NEBL: variants seen among roughly 807,000 people sequenced by gnomAD.
The protein encoded by NEBL is LIM and SH3 protein 2.
NEBL carries 122 observed loss-of-function variants against 140.2 expected under a neutral mutation model. That is an observed-to-expected ratio of 0.87 (90% CI 0.75 to 1.01). The LOEUF is 1.01. Among genes scored for constraint, NEBL ranks in the 50% least tolerant of loss-of-function variants. The probability of loss-of-function intolerance (pLI) is 0.00; values close to 1 mark genes in which losing one functional copy is unlikely to be tolerated. For missense variants in NEBL, 1,365 were observed against 1,231.3 expected (o/e 1.11, Z -1.62); for synonymous variants, 436 against 398.9 (o/e 1.09, Z -1.11).
At chr10:21,066,573 G>A (rs1295160596) in intron 2 of NEBL, among the ~76,000 whole-genome samples, 1 of 152,176 alleles carries the variant, frequency 6.6e-6, no homozygotes, top group East Asian at 1.9e-4. Flanking sequence ...ATCCAGAAAT[G>A]TCAATGGCCA....
chr10:20,787,352 G>A, intron 26 of NEBL, 44 bp from the exon 27 acceptor site: 1 of 1,471,934 alleles, frequency 6.8e-7, no homozygotes, highest in Non-Finnish European at 9.4e-7. Context: ...CTTAAAGTTA[G>A]CCTCGAAATA....
intron 4 of NEBL, among the ~76,000 whole-genome samples, chr10:20,887,196 T>C (rs906420425): frequency 2.0e-5 from 3 of 150,542 alleles, no homozygotes; most frequent in African/African-American, 4.9e-5. Context: ...AAAGAGAAAA[T>C]TACTCCTAAA....
chr10:20,831,038 G>A, intron 16 of NEBL, 158 bp downstream of exon 16: 1 of 625,214 alleles, frequency 1.6e-6, no homozygotes, highest in Non-Finnish European at 2.9e-6. Flanking sequence ...CTATTAATTA[G>A]TACGGTTAAT....
chr10:20,832,497 CAT>C (rs771608461), intron 14 of NEBL, among the ~76,000 whole-genome samples: 7 of 152,118 alleles, frequency 4.6e-5, no homozygotes, highest in African/African-American at 1.4e-4. Context: ...CATAGACACA[CAT>C]GTCTTTAGGG....
At chr10:21,047,948 T>C (rs1325148460) in intron 2 of NEBL, among the ~76,000 whole-genome samples, 3 of 152,244 alleles carry the variant, frequency 2.0e-5, no homozygotes, top group African/African-American at 7.2e-5. Context: ...TATTGCCATA[T>C]AGCTTAGAAC....
chr10:21,235,774 T>C (rs1178474473), intron 3 of NEBL, among the ~76,000 whole-genome samples: 2 of 152,186 alleles, frequency 1.3e-5, no homozygotes, highest in Non-Finnish European at 2.9e-5. Context: ...AAAAAATATA[T>C]TTGATTTTCA....
intron 1 of NEBL, among the ~76,000 whole-genome samples, chr10:21,270,732 G>A (rs1228711212): frequency 6.6e-6 from 1 of 152,102 alleles, no homozygotes; most frequent in Non-Finnish European, 1.5e-5. Flanking sequence ...AACTCCTTGA[G>A]GACAAGTCGT....
At chr10:21,128,060 G>A (rs1449816024) in intron 2 of NEBL, among the ~76,000 whole-genome samples, 2 of 152,076 alleles carry the variant, frequency 1.3e-5, no homozygotes, top group Non-Finnish European at 2.9e-5. Flanking sequence ...TTTGTAAAAA[G>A]GAAGTTAATG....
intron 4 of NEBL, among the ~76,000 whole-genome samples, chr10:20,928,365 G>A (rs1324340111): frequency 1.3e-5 from 2 of 152,170 alleles, no homozygotes; most frequent in Non-Finnish European, 2.9e-5. Flanking sequence ...ACACAGCTGA[G>A]TGCTAAGGTA....
intron 11 of NEBL, among the ~76,000 whole-genome samples, chr10:20,846,662 T>C (rs1443359721): frequency 6.6e-6 from 1 of 152,148 alleles, no homozygotes; most frequent in African/African-American, 2.4e-5. Flanking sequence ...CAAGGCTGAA[T>C]CTAGGGCATC....
chr10:21,288,908 G>A (rs572398537), intron 1 of NEBL, among the ~76,000 whole-genome samples: 1 of 132,674 alleles, frequency 7.5e-6, no homozygotes, highest in East Asian at 2.5e-4. Flanking sequence ...GAGTGCAGCG[G>A]CAGGATCTCA....
At chr10:20,897,360 C>G, upstream of NEBL, 1 of 1,449,356 alleles carries the variant, frequency 6.9e-7, no homozygotes, top group Non-Finnish European at 9.0e-7. Flanking sequence ...CACTCCTTAT[C>G]TCAGTGGTGT....
intron 2 of NEBL, among the ~76,000 whole-genome samples, chr10:21,156,532 T>C (rs1462370234): frequency 6.6e-6 from 1 of 152,002 alleles, no homozygotes; most frequent in Non-Finnish European, 1.5e-5. Flanking sequence ...CCAGGGAGCA[T>C]GTCTACTGGA....
At chr10:21,029,314 G>T (rs1258291775) in intron 2 of NEBL, 1 of 1,609,964 alleles carries the variant, frequency 6.2e-7, no homozygotes, top group Middle Eastern at 2.1e-4. Context: ...CCTATCCTAT[G>T]ATGTGACAGA....
intron 2 of NEBL, among the ~76,000 whole-genome samples, chr10:21,077,712 T>C (rs989597736): frequency 2.6e-5 from 4 of 152,186 alleles, no homozygotes; most frequent in African/African-American, 9.7e-5. Flanking sequence ...TCCTGATATC[T>C]TTTTCCCTTC....
At chr10:21,164,488 T>C (rs1840681293) in intron 2 of NEBL, among the ~76,000 whole-genome samples, 1 of 152,234 alleles carries the variant, frequency 6.6e-6, no homozygotes, top group African/African-American at 2.4e-5. Flanking sequence ...CACATATCTA[T>C]ATCTTGCATT....
intron 4 of NEBL, among the ~76,000 whole-genome samples, chr10:20,957,255 T>A (rs1052299413): frequency 4.6e-5 from 7 of 152,188 alleles, no homozygotes; most frequent in African/African-American, 1.7e-4. Context: ...CGTGTGAGCT[T>A]ATTAATGGGC....
chr10:20,987,785 C>T (rs1417185), intron 3 of NEBL, among the ~76,000 whole-genome samples: 17,907 of 152,124 alleles, frequency 0.12, 1,692 homozygotes, highest in East Asian at 0.36. Flanking sequence ...TTTTCCAGGG[C>T]TCCTTCTGTA....
intron 3 of NEBL, among the ~76,000 whole-genome samples, chr10:21,214,536 TACACACATGC>T (rs942052095): frequency 6.7e-6 from 1 of 148,940 alleles, no homozygotes; most frequent in African/African-American, 2.5e-5. Flanking sequence ...TACACACACA[TACACACATGC>T]ACACACATGT....
Sources: allele counts gnomAD v4.1 joint callset (sites outside exome capture counted in the v4.1 genomes callset), GRCh38; gene constraint gnomAD v4.1.1; transcripts MANE v1.5; gene names NCBI Gene and HGNC (gene_info 2026-07-23, HGNC 2026-07-21).